The following ATP2A3 variants were observed in gnomAD, a reference collection of about 807,000 sequenced individuals.
The protein encoded by ATP2A3 is sarcoplasmic/endoplasmic reticulum calcium ATPase 3.
ATP2A3 carries 61 observed loss-of-function variants against 106.8 expected under a neutral mutation model. That is an observed-to-expected ratio of 0.57 (90% confidence interval 0.46 to 0.71). The LOEUF (loss-of-function observed/expected upper bound fraction) is 0.71. Ranked by LOEUF, ATP2A3 falls within the 30% of genes least tolerant of loss-of-function variation. The probability of loss-of-function intolerance (pLI) is 0.00; values close to 1 mark genes in which losing one functional copy is unlikely to be tolerated. For synonymous variants in ATP2A3, 611 were observed against 609.3 expected (o/e 1.00, Z -0.04); for missense variants, 1,201 against 1,423.5 (o/e 0.84, Z 2.52).
In ATP2A3 at chr17:3,930,055, A is replaced by G. The variant is rs2052966821; in HGVS notation, c.2744+246T>C. ...GGACCCCCTTGAACCTCTGATCCCA[A>G]TCCTGAACCCCCCAAACATCAGACC... On this transcript the variant is annotated intron_variant, in intron 18 of 20. Coordinates refer to ENST00000397041, the MANE Select transcript of ATP2A3 (RefSeq NM_005173.4). This position sits in a 1 kb window ranked among gnomAD's most constrained non-coding sequence, Gnocchi z 5.4. Among the ~76,000 whole-genome samples, 2 of 145,414 alleles carry G rather than the reference A, an allele frequency of 1.4e-5. No individual in the cohort carries two copies. The highest frequency in any genetic ancestry group is 3.0e-5 in the Non-Finnish European group (2 of 66,436).
chr17:3,943,440 G>T lies in ATP2A3; in HGVS notation c.1370C>A (p.Thr457Asn). ...CLVEKMNVFD[T>N]DLQALSRVER... ...CACCCGGGACAGAGCCTGCAGGTCGGTGTCGAACACGTTCATCTTCTCCAC... is the reference window on the plus strand; with the variant it reads ...CACCCGGGACAGAGCCTGCAGGTCGTTGTCGAACACGTTCATCTTCTCCAC... The change falls in exon 11 of 21, where the codon ACC becomes AAC. Residue 457 changes from threonine to asparagine, a missense_variant. This residue lies in a region of ATP2A3 where 935 missense variants were observed against 1,176.7 expected (regional missense o/e 0.79). Coordinates refer to ENST00000397041, the MANE Select transcript of ATP2A3 (RefSeq NM_005173.4). 1 of 1,614,112 alleles carries T rather than the reference G, an allele frequency of 6.2e-7. No homozygotes were observed.
rs2052816259 is a variant in ATP2A3 at position 3,928,103 on chromosome 17, G to A, written c.2980+560C>T. 2 of 1,607,374 alleles carry A rather than the reference G, an allele frequency of 1.2e-6. No homozygotes were observed. Among genetic ancestry groups the A allele is most frequent in the Non-Finnish European group, 1.7e-6 (2 of 1,174,198 alleles). ...GCAGAGGCAGGTGGATGGACCCCAT[G>A]TCCCAGCCCACTTCTCTCCAGCCCG... On this transcript the variant is annotated intron_variant, in intron 20 of 20. Coordinates refer to ENST00000397041, the MANE Select transcript of ATP2A3 (RefSeq NM_005173.4). The surrounding 1 kb of genome is among the most constrained non-coding windows in gnomAD (Gnocchi z 6.1).
rs1038650457 is a variant in ATP2A3 at position 3,942,667 on chromosome 17, G to A, written c.1484C>T (p.Ser495Phe). 6.2e-7 allele frequency: 1 copy of A among 1,613,640 alleles called. No individual in the cohort carries two copies. The highest frequency in any genetic ancestry group is 2.2e-5 in the East Asian group (1 of 44,844). The part of the protein sequence containing the change: ...LEFSRDRKSM[S>F]VYCTPTRPHP... ...AGGGCGGGTGGGCGTGCAGTACACGGACATGGATTTCCGGTCTCGGGAGAA... is the reference window on the plus strand; with the variant it reads ...AGGGCGGGTGGGCGTGCAGTACACGAACATGGATTTCCGGTCTCGGGAGAA... Residue 495 changes from serine to phenylalanine, a missense_variant, in exon 12 of 21, where the codon TCC (serine) becomes TTC (phenylalanine). Ser to Phe is a radical substitution (Grantham distance 155). Coordinates refer to ENST00000397041, the MANE Select transcript of ATP2A3 (RefSeq NM_005173.4).
At position 3,951,692 on chromosome 17, in the gene ATP2A3, G is replaced by A; in HGVS notation, c.220-7C>T. ...CCTCGAACCAGGCCAGGACCTGCAG[G>A]ATCACAGCTGGTGAGCTCAGGCCCT... On this transcript the variant is annotated splice_polypyrimidine_tract_variant and splice_region_variant and intron_variant, in intron 3 of 20. Transcript: ENST00000397041. 6.2e-7 allele frequency: 1 copy of A among 1,603,994 alleles called. No individual in the cohort carries two copies.
rs1436827337 is a variant in ATP2A3, at chr17:3,929,124, A to G, written c.2862+204T>C. ...ACCCCAGCCTGGGCACAGTCCCCTC[A>G]GCAAGGGGTTTCCCCCTCTTCCGTC... On this transcript the variant is annotated intron_variant, in intron 19 of 20. Coordinates refer to ENST00000397041, the MANE Select transcript of ATP2A3 (RefSeq NM_005173.4). The surrounding 1 kb of genome is among the most constrained non-coding windows in gnomAD (Gnocchi z 4.3). 6.6e-6 allele frequency among the ~76,000 whole-genome samples: 1 copy of G among 152,120 alleles called. No homozygotes were observed. The highest frequency in any genetic ancestry group is 1.9e-4 in the East Asian group (1 of 5,192).
Position 3,929,494 on chromosome 17 carries a change from TGCCAG to T in ATP2A3, c.2745-54_2745-50del. 1 of 1,483,558 alleles carries T rather than the reference TGCCAG, an allele frequency of 6.7e-7. No individual in the cohort carries two copies. The highest frequency in any genetic ancestry group is 9.2e-7 in the Non-Finnish European group (1 of 1,085,224). The allele number at this position is 1,483,558 out of a possible 1,614,324, so 91.9% of individuals were successfully genotyped here. A position where few individuals can be genotyped will look rare whatever the true frequency, so the allele number is the denominator to read the frequency against. ...CTTAGGCCGGGGTGCAGGGAGGCCC[TGCCAG>T]GCACCCACCCCCATGGGAGGAGCCT... On this transcript the variant is annotated intron_variant, in intron 18 of 20. Transcript: ENST00000397041. The surrounding 1 kb of genome is among the most constrained non-coding windows in gnomAD (Gnocchi z 4.3).
At position 3,933,748 on chromosome 17, in the gene ATP2A3, A is replaced by G. The variant is rs116345478; in HGVS notation, c.2610+1444T>C. Among the ~76,000 whole-genome samples the G allele has an allele frequency of 1.1e-3, 171 of 151,198 alleles. 5 individuals carry two copies. The highest frequency in any genetic ancestry group is 4.0e-3 in the African/African-American group (164 of 40,678). Reference sequence around the variant, plus strand: ...GAGACTCCATCTCAAACAAACAAACAAAAAAAGACAGTGCGTCGGGCTGGA... The same window carrying G: ...GAGACTCCATCTCAAACAAACAAACGAAAAAAGACAGTGCGTCGGGCTGGA... On this transcript the variant is annotated intron_variant, in intron 17 of 20. Transcript: ENST00000397041.
intron 17 of ATP2A3, among the ~76,000 whole-genome samples, chr17:3,931,364 C>G (rs994899538): frequency 6.6e-6 from 1 of 152,062 alleles, no homozygotes; most frequent in Non-Finnish European, 1.5e-5. Flanking sequence ...TTCACAGAAT[C>G]GTGCTAAGAG....
rs145003951 is a variant in ATP2A3 at position 3,945,986 on chromosome 17, G to T, written c.1096-838C>A. 7.5e-3 allele frequency among the ~76,000 whole-genome samples: 1,140 copies of T among 152,302 alleles called. 3 individuals are homozygous for T. The highest frequency in any genetic ancestry group is 0.014 in the Middle Eastern group (4 of 294). On this transcript the variant is annotated intron_variant, in intron 8 of 20. Coordinates refer to ENST00000397041, the MANE Select transcript of ATP2A3 (RefSeq NM_005173.4). Reference sequence around the variant, plus strand: ...TTATTAGCTGGGCCCAGTGGCTCACGCCTGTAATCCCAGCACTTTGGGAGG... The same window carrying T: ...TTATTAGCTGGGCCCAGTGGCTCACTCCTGTAATCCCAGCACTTTGGGAGG...
rs190243439 is a variant in ATP2A3, at chr17:3,961,827, G to A, written c.118+2347C>T. ...ACCCTGGGAGATGGGTTCTATGGCA[G>A]CCTCGCTTATGGTGAAGAAACCGAG... On this transcript the variant is annotated intron_variant, in intron 1 of 20. Coordinates refer to ENST00000397041, the MANE Select transcript of ATP2A3 (RefSeq NM_005173.4). 5.6e-4 allele frequency among the ~76,000 whole-genome samples: 85 copies of A among 152,314 alleles called. 2 individuals carry two copies. Among genetic ancestry groups the A allele is most frequent in the Admixed American group, 5.4e-3 (83 of 15,300 alleles).
At chr17:3,933,766 G>A (rs1009048614) in intron 17 of ATP2A3, among the ~76,000 whole-genome samples, 2 of 151,316 alleles carry the variant, frequency 1.3e-5, no homozygotes, top group South Asian at 2.1e-4. Flanking sequence ...ACAGTGCGTC[G>A]GGCTGGAGCT....
chr17:3,954,453 A>G (rs754815947), intron 1 of ATP2A3, among the ~76,000 whole-genome samples: 54 of 140,636 alleles, frequency 3.8e-4, no homozygotes, highest in Non-Finnish European at 6.6e-4. Flanking sequence ...GGTGAAGAAC[A>G]CTGTTTCCAA....
rs1317929569 is a variant in ATP2A3 at position 3,953,975 on chromosome 17, G to A, written c.119-265C>T. 6.6e-6 allele frequency among the ~76,000 whole-genome samples: 1 copy of A among 152,012 alleles called. No individual in the cohort carries two copies. The highest frequency in any genetic ancestry group is 6.5e-5 in the Admixed American group (1 of 15,278). ...GTGGGATGAGTACGGAGCCAAGAGGGTCCTTCCAGCCCCTCCAGTCCAGCC... is the reference window on the plus strand; with the variant it reads ...GTGGGATGAGTACGGAGCCAAGAGGATCCTTCCAGCCCCTCCAGTCCAGCC... On this transcript the variant is annotated intron_variant, in intron 1 of 20. Transcript: ENST00000397041. The surrounding 1 kb of genome is among the most constrained non-coding windows in gnomAD (Gnocchi z 5.1).
Position 3,964,237 on chromosome 17 carries a change from T to C in ATP2A3, c.55A>G (p.Thr19Ala). 2 of 1,282,984 alleles carry C rather than the reference T, an allele frequency of 1.6e-6. No homozygotes were observed. The highest frequency in any genetic ancestry group is 3.3e-5 in the Admixed American group (1 of 30,478). 79.5% of individuals were successfully genotyped at this position (1,282,984 alleles called of 1,614,324 possible). A position where few individuals can be genotyped will look rare whatever the true frequency, so the allele number is the denominator to read the frequency against. ...AADVLRHFSVTAEGGLSPAQV... is the reference protein window; with the variant it reads ...AADVLRHFSVAAEGGLSPAQV... ...GCCGGGCTCAGGCCGCCCTCGGCTG[T>C]CACCGAGAAGTGGCGCAGCACGTCG... Residue 19 changes from threonine to alanine, a missense_variant, in exon 1 of 21, where the codon ACA becomes GCA. Thr to Ala is a moderately conservative substitution (Grantham distance 58). Coordinates refer to ENST00000397041, the MANE Select transcript of ATP2A3 (RefSeq NM_005173.4).
intron 1 of ATP2A3, among the ~76,000 whole-genome samples, chr17:3,954,093 G>A (rs1295255181): frequency 6.6e-6 from 1 of 151,988 alleles, no homozygotes; most frequent in Non-Finnish European, 1.5e-5. Flanking sequence ...TGTTCTCACG[G>A]CTCCCTGCAT....
rs920667775 is a variant in ATP2A3 at position 3,924,462 on chromosome 17, G to A, written c.*960C>T. 1.0e-4 allele frequency: 28 copies of A among 268,772 alleles called. No individual in the cohort carries two copies. The highest frequency in any genetic ancestry group is 9.0e-4 in the South Asian group (27 of 29,896). The allele number at this position is 268,772 out of a possible 1,614,324, so 16.6% of individuals were successfully genotyped here. ...GCAAGGAGTGAGGCCAAGAGTCCAG[G>A]AAGCCCACCAGGCTCAGAGGCCCCC... On this transcript the variant is annotated 3_prime_UTR_variant, in exon 21 of 21. Coordinates refer to ENST00000397041, the MANE Select transcript of ATP2A3 (RefSeq NM_005173.4). The surrounding 1 kb of genome is among the most constrained non-coding windows in gnomAD (Gnocchi z 6.4).
chr17:3,950,815 C>T (rs1567713489), intron 5 of ATP2A3, 42 bp from the exon 6 acceptor site: 1 of 1,593,474 alleles, frequency 6.3e-7, no homozygotes, highest in South Asian at 1.1e-5. Context: ...GCTTTGGGCA[C>T]CACCAGCTGG....
In ATP2A3 at chr17:3,929,474, G is replaced by C; in HGVS notation, c.2745-29C>G. ...CCAGGGCACAGGGTGCTCCCCTTAG[G>C]CCGGGGTGCAGGGAGGCCCTGCCAG... On this transcript the variant is annotated intron_variant, in intron 18 of 20. Transcript: ENST00000397041. The surrounding 1 kb of genome is among the most constrained non-coding windows in gnomAD (Gnocchi z 4.3). The C allele has an allele frequency of 1.9e-6, 3 of 1,565,896 alleles. No homozygotes were observed. Among genetic ancestry groups the C allele is most frequent in the Non-Finnish European group, 2.6e-6 (3 of 1,152,970 alleles).
At chr17:3,931,288 A>G (rs540267247) in intron 17 of ATP2A3, among the ~76,000 whole-genome samples, 1 of 152,286 alleles carries the variant, frequency 6.6e-6, no homozygotes, top group Admixed American at 6.5e-5. Context: ...TGTAATTAAC[A>G]TGAAGCGCTC....
Sources: allele counts gnomAD v4.1 joint callset (sites outside exome capture counted in the v4.1 genomes callset), GRCh38; gene constraint gnomAD v4.1.1; regional missense constraint gnomAD v4.1.1; non-coding constraint Gnocchi (gnomAD v3.1); transcripts MANE v1.5; gene names NCBI Gene and HGNC (gene_info 2026-07-23, HGNC 2026-07-21).